The following AFAP1L2 variants were observed in gnomAD, a reference collection of about 807,000 sequenced individuals.
AFAP1L2 encodes the protein actin filament associated protein 1 like 2, also known as actin filament-associated protein 1-like 2.
A neutral mutation model predicts 99.3 loss-of-function variants in AFAP1L2; 46 were observed. The observed-to-expected ratio is 0.46, with a 90% confidence interval of 0.37 to 0.59. The LOEUF is 0.59. AFAP1L2 is among the 20% of genes least tolerant of loss of function. The pLI, the probability that AFAP1L2 is intolerant of heterozygous loss-of-function variation, is 0.00. For missense variants in AFAP1L2, 959 were observed against 1,034.9 expected, an observed-to-expected ratio of 0.93 and a Z score of 1.01; for synonymous variants, 397 against 419.1, an observed-to-expected ratio of 0.95 and a Z score of 0.64.
intron 2 of AFAP1L2, among the ~76,000 whole-genome samples, chr10:114,337,773 T>C (rs907373514): frequency 6.6e-6 from 1 of 152,224 alleles, no homozygotes; most frequent in Non-Finnish European, 1.5e-5. Context: ...TGGTTTCCAG[T>C]TCCCAACAGA....
At chr10:114,286,345 A>C in the AFAP1L2 span, 1 of 1,613,592 alleles carries the variant, frequency 6.2e-7, no homozygotes, top group Non-Finnish European at 8.5e-7. Context: ...CGCGTCACGC[A>C]AGGGCGCGAG....
At position 114,313,946 on chromosome 10, in the gene AFAP1L2, C is replaced by G. The variant is rs2043684962; in HGVS notation, c.717G>C (p.Leu239=). The G allele has an allele frequency of 6.2e-7, 1 of 1,613,998 alleles. No homozygotes were observed. Among genetic ancestry groups the G allele is most frequent in the Non-Finnish European group, 8.5e-7 (1 of 1,180,018 alleles). ...EKQVRKKEHK[L]KITPMNADVI... is the part of the protein sequence containing the mutation. Reference sequence around the variant, plus strand: ...CATCGGCATTCATCGGCGTGATCTTCAGCTTGTGCTCCTTCTTCCGCACTT... The same window carrying G: ...CATCGGCATTCATCGGCGTGATCTTGAGCTTGTGCTCCTTCTTCCGCACTT... Residue 239 remains leucine, a synonymous_variant, in exon 7 of 19, where the codon CTG becomes CTC. Transcript: ENST00000304129.
chr10:114,390,393 T>C lies in AFAP1L2; in HGVS notation c.16+14047A>G, dbSNP rs114336586. On this transcript the variant is annotated intron_variant, in intron 1 of 18. Coordinates refer to ENST00000304129, the MANE Select transcript of AFAP1L2 (RefSeq NM_001001936.3). ...ACCCATGCAGACATCTCTTTGGGAATTGCTAGATCGTATGGTAAGTGCATC... is the reference window on the plus strand; with the variant it reads ...ACCCATGCAGACATCTCTTTGGGAACTGCTAGATCGTATGGTAAGTGCATC... Among the ~76,000 whole-genome samples the C allele has an allele frequency of 1.9e-3, 286 of 152,232 alleles. 3 individuals carry two copies. The highest frequency in any genetic ancestry group is 6.5e-3 in the African/African-American group (270 of 41,538).
chr10:114,349,690 G>A (rs2050166229), intron 1 of AFAP1L2, among the ~76,000 whole-genome samples: 1 of 151,652 alleles, frequency 6.6e-6, no homozygotes, highest in Non-Finnish European at 1.5e-5. Flanking sequence ...AGCACCCAAA[G>A]CAGACTGTAG....
the AFAP1L2 span, among the ~76,000 whole-genome samples, chr10:114,284,581 G>A: frequency 3.3e-5 from 5 of 152,146 alleles, no homozygotes; most frequent in Non-Finnish European, 2.9e-5. Context: ...TTGATGCTAC[G>A]GGGAGCTTCC....
chr10:114,384,258 C>G (rs2056176617), intron 1 of AFAP1L2, among the ~76,000 whole-genome samples: 1 of 152,170 alleles, frequency 6.6e-6, no homozygotes, highest in Non-Finnish European at 1.5e-5. Flanking sequence ...CCGCCTCTGT[C>G]TTCAGCTGCA....
downstream of AFAP1L2, chr10:114,291,299 C>T (rs2039575777): frequency 6.6e-7 from 1 of 1,509,656 alleles, no homozygotes; most frequent in Admixed American, 2.2e-5. Context: ...ACAGAGAAGG[C>T]CTGGGCACTG....
rs987036753 is a variant in AFAP1L2 at position 114,325,902 on chromosome 10, C to T, written c.316-2641G>A. On this transcript the variant is annotated intron_variant, in intron 4 of 18. Transcript: ENST00000304129. Reference sequence around the variant, plus strand: ...CTCGCCTCTGTGGCAGTAAGGTCTCCCCAGTGGGTCCCAGGGCTCATCAGC... The same window carrying T: ...CTCGCCTCTGTGGCAGTAAGGTCTCTCCAGTGGGTCCCAGGGCTCATCAGC... 9.3e-6 allele frequency: 12 copies of T among 1,289,054 alleles called. No individual in the cohort carries two copies. The African/African-American group carries it at 1.7e-4, about 18-fold the overall frequency. The allele number at this position is 1,289,054 out of a possible 1,614,324, so 79.9% of individuals were successfully genotyped here.
chr10:114,324,147 A>T (rs1439934909), intron 4 of AFAP1L2, among the ~76,000 whole-genome samples: 1 of 152,238 alleles, frequency 6.6e-6, no homozygotes, highest in East Asian at 1.9e-4. Context: ...CTACCTTTAT[A>T]AACAACCATG....
At chr10:114,335,417 C>A (rs1371187954) in intron 2 of AFAP1L2, among the ~76,000 whole-genome samples, 2 of 151,964 alleles carry the variant, frequency 1.3e-5, no homozygotes, top group Non-Finnish European at 2.9e-5. Context: ...TCGAGACCAT[C>A]CTGGCTAACA....
the AFAP1L2 span, chr10:114,282,470 C>G: frequency 6.6e-7 from 1 of 1,510,828 alleles, no homozygotes; most frequent in Non-Finnish European, 9.2e-7. Flanking sequence ...TCTGCCCTCC[C>G]CTTACACCTC....
downstream of AFAP1L2, among the ~76,000 whole-genome samples, chr10:114,294,116 AT>A (rs1293476713): frequency 2.0e-5 from 3 of 152,036 alleles, no homozygotes; most frequent in Non-Finnish European, 4.4e-5. Flanking sequence ...ACAACCCTTG[AT>A]TTTTTTGGAT....
At chr10:114,355,699 C>G (rs927206122) in intron 1 of AFAP1L2, among the ~76,000 whole-genome samples, 1 of 152,142 alleles carries the variant, frequency 6.6e-6, no homozygotes, top group African/African-American at 2.4e-5. Flanking sequence ...GGTCCGGGCA[C>G]AGTGGCTCAT....
chr10:114,289,349 C>G, the AFAP1L2 span: 1 of 1,614,248 alleles, frequency 6.2e-7, no homozygotes, highest in African/African-American at 1.3e-5. Context: ...AATGGCATCT[C>G]TGTCTTGGTC....
chr10:114,366,769 C>A (rs568566168), intron 1 of AFAP1L2, among the ~76,000 whole-genome samples: 1 of 152,296 alleles, frequency 6.6e-6, no homozygotes, highest in Non-Finnish European at 1.5e-5. Context: ...AGTTCAAGAC[C>A]AGCCTGGACA....
At chr10:114,390,150 AT>A (rs1323424568) in intron 1 of AFAP1L2, among the ~76,000 whole-genome samples, 1 of 152,134 alleles carries the variant, frequency 6.6e-6, no homozygotes, top group Non-Finnish European at 1.5e-5. Flanking sequence ...CCACTGTCCT[AT>A]TCTGGTTCCT....
At chr10:114,327,310 G>A (rs890146811) in intron 4 of AFAP1L2, among the ~76,000 whole-genome samples, 55 of 150,320 alleles carry the variant, frequency 3.7e-4, no homozygotes, top group African/African-American at 1.3e-3. Flanking sequence ...GTACCACCAC[G>A]CTTGGCTAAT....
rs116774116 is a variant in AFAP1L2, at chr10:114,322,468, G to A, written c.406+703C>T. Among the ~76,000 whole-genome samples, 372 of 152,262 alleles carry A rather than the reference G, an allele frequency of 2.4e-3. 1 individual carries two copies. The highest frequency in any genetic ancestry group is 8.6e-3 in the African/African-American group (359 of 41,548). ...GCCTTGACGCTTTTGCAGATACCAT[G>A]TTCTCTGTCTGGAAAGTTCTTCCTG... On this transcript the variant is annotated intron_variant, in intron 5 of 18. Transcript: ENST00000304129.
intron 5 of AFAP1L2, chr10:114,319,491 A>G: frequency 8.6e-7 from 1 of 1,166,910 alleles, no homozygotes; most frequent in South Asian, 1.3e-5. Context: ...CCCTCGGGAC[A>G]TGCACACATC....
Sources: gnomAD v4.1 joint callset for allele counts (sites outside exome capture counted in the v4.1 genomes callset) on GRCh38, gnomAD v4.1.1 for gene constraint, MANE v1.5 for transcripts, NCBI Gene and HGNC (gene_info 2026-07-23, HGNC 2026-07-21) for gene names.